GNG12: variants seen among roughly 807,000 people sequenced by gnomAD.
GNG12 encodes the protein guanine nucleotide-binding protein G(I)/G(S)/G(O) subunit gamma-12.
For missense variants in GNG12, 69 were observed against 83.8 expected, an observed-to-expected ratio of 0.82 and a Z score of 0.69; for synonymous variants, 28 against 29.7, an observed-to-expected ratio of 0.94 and a Z score of 0.19.
Position 67,833,379 on chromosome 1 carries a change from G to C in GNG12, c.-112C>G. 1 of 985,596 alleles carries C rather than the reference G, an allele frequency of 1.0e-6. No individual in the cohort carries two copies. The highest frequency in any genetic ancestry group is 1.2e-6 in the Non-Finnish European group (1 of 830,138). The allele number at this position is 985,596 out of a possible 1,614,324, so 61.1% of individuals were successfully genotyped here. A position where few individuals can be genotyped will look rare whatever the true frequency, so the allele number is the denominator to read the frequency against. ...GTGCGCTGCCCCGCCGTCGCCGCCG[G>C]GACTCGGTCTCTAAGGGCTCCTGGA... On this transcript the variant is annotated 5_prime_UTR_variant, in exon 1 of 4. Coordinates refer to ENST00000370982, the MANE Select transcript of GNG12 (RefSeq NM_018841.6).
At chr1:67,750,285 C>G (rs1178806922) in intron 2 of GNG12, among the ~76,000 whole-genome samples, 1 of 152,146 alleles carries the variant, frequency 6.6e-6, no homozygotes, top group Non-Finnish European at 1.5e-5. Flanking sequence ...GGATTACAAA[C>G]GAACAGGGAA....
chr1:67,707,554 C>T, intron 3 of GNG12, 40 bp downstream of exon 3: 2 of 1,043,606 alleles, frequency 1.9e-6, no homozygotes, highest in South Asian at 2.7e-5. Flanking sequence ...ACAGGGGGAA[C>T]TGAGCAGAAA....
intron 1 of GNG12, among the ~76,000 whole-genome samples, chr1:67,819,007 G>A (rs1646970481): frequency 6.6e-6 from 1 of 152,164 alleles, no homozygotes; most frequent in Non-Finnish European, 1.5e-5. Flanking sequence ...TATGAGTTCA[G>A]GAAGTGACCC....
intron 2 of GNG12, among the ~76,000 whole-genome samples, chr1:67,722,647 G>T (rs1378300407): frequency 6.6e-6 from 1 of 152,162 alleles, no homozygotes; most frequent in South Asian, 2.1e-4. Flanking sequence ...TTACTGAGGG[G>T]AGTGGTAGAC....
At chr1:67,797,132 A>ACAAACATC (rs1327994648) in intron 1 of GNG12, among the ~76,000 whole-genome samples, 6 of 152,162 alleles carry the variant, frequency 3.9e-5, no homozygotes, top group Non-Finnish European at 1.5e-5. Flanking sequence ...TTTGGAGGGG[A>ACAAACATC]CAAACATCCA....
At chr1:67,729,465 C>T (rs571616484) in intron 2 of GNG12, among the ~76,000 whole-genome samples, 1 of 152,288 alleles carries the variant, frequency 6.6e-6, no homozygotes, top group East Asian at 1.9e-4. Context: ...TCTGAGACCA[C>T]CACCTTTGCC....
At chr1:67,793,529 TTTG>T (rs1182476809) in intron 1 of GNG12, among the ~76,000 whole-genome samples, 1 of 152,096 alleles carries the variant, frequency 6.6e-6, no homozygotes, top group Non-Finnish European at 1.5e-5. Context: ...AGTCAAGCAC[TTTG>T]ATTTTTTTTT....
At chr1:67,831,272 C>T (rs1647042879) in intron 1 of GNG12, among the ~76,000 whole-genome samples, 1 of 152,228 alleles carries the variant, frequency 6.6e-6, no homozygotes, top group Admixed American at 6.5e-5. Context: ...ACCACTTCCT[C>T]AAGTTTTCTG....
intron 2 of GNG12, among the ~76,000 whole-genome samples, chr1:67,742,704 A>C (rs1023742166): frequency 5.9e-5 from 9 of 152,226 alleles, no homozygotes; most frequent in African/African-American, 1.9e-4. Flanking sequence ...ATTTCAGTGG[A>C]AGATCACTGG....
intron 2 of GNG12, among the ~76,000 whole-genome samples, chr1:67,733,782 C>T (rs1646435079): frequency 6.6e-6 from 1 of 152,150 alleles, no homozygotes; most frequent in African/African-American, 2.4e-5. Flanking sequence ...AGAGAAAAAC[C>T]CAACCAAATG....
chr1:67,798,870 C>T (rs1210402684), intron 1 of GNG12, among the ~76,000 whole-genome samples: 3 of 152,068 alleles, frequency 2.0e-5, no homozygotes, highest in Non-Finnish European at 1.5e-5. Flanking sequence ...AGAGGAATCG[C>T]TTGAACCCGG....
rs1238885010 is a variant in GNG12, at chr1:67,705,171, T to C, written c.*280A>G. 1 of 237,296 alleles carries C rather than the reference T, an allele frequency of 4.2e-6. No homozygotes were observed. Among genetic ancestry groups the C allele is most frequent in the Non-Finnish European group, 7.9e-6 (1 of 127,262 alleles). The allele number at this position is 237,296 out of a possible 1,614,324, so 14.7% of individuals were successfully genotyped here. A position where few individuals can be genotyped will look rare whatever the true frequency, so the allele number is the denominator to read the frequency against. ...TGTATTTCTAAAGTATATAATTATG[T>C]TTTTAAAAAGGCCCAGATCAACTTT... On this transcript the variant is annotated 3_prime_UTR_variant, in exon 4 of 4. Coordinates refer to ENST00000370982, the MANE Select transcript of GNG12 (RefSeq NM_018841.6).
At chr1:67,785,859 T>C (rs1487029037) in intron 1 of GNG12, among the ~76,000 whole-genome samples, 2 of 152,186 alleles carry the variant, frequency 1.3e-5, no homozygotes, top group Non-Finnish European at 2.9e-5. Flanking sequence ...TGTATAAATA[T>C]GTAACTATAT....
At chr1:67,795,117 G>A (rs543078381) in intron 1 of GNG12, among the ~76,000 whole-genome samples, 82 of 152,272 alleles carry the variant, frequency 5.4e-4, no homozygotes, top group African/African-American at 1.8e-3. Context: ...AAGGCCTTGC[G>A]CTTTTTACTA....
chr1:67,832,386 A>C (rs901682104), intron 1 of GNG12: 2 of 152,134 alleles, frequency 1.3e-5, no homozygotes, highest in African/African-American at 4.8e-5. Flanking sequence ...CCAGTTGGGC[A>C]AAGTTTCACT....
intron 1 of GNG12, among the ~76,000 whole-genome samples, chr1:67,819,028 A>G (rs1646970605): frequency 1.3e-5 from 2 of 152,150 alleles, no homozygotes; most frequent in African/African-American, 4.8e-5. Flanking sequence ...ACTGAAATTT[A>G]TGTTTTCAAG....
At chr1:67,760,800 G>A (rs1014748053) in intron 2 of GNG12, among the ~76,000 whole-genome samples, 3 of 152,204 alleles carry the variant, frequency 2.0e-5, no homozygotes, top group Admixed American at 1.3e-4. Flanking sequence ...AGGAGGACAC[G>A]TCTCGATCCT....
intron 1 of GNG12, among the ~76,000 whole-genome samples, chr1:67,823,687 G>A (rs1265121193): frequency 5.9e-5 from 9 of 152,208 alleles, no homozygotes; most frequent in Admixed American, 5.9e-4. Flanking sequence ...GCCATTGGCT[G>A]TACGGAACCG....
chr1:67,715,222 C>A (rs1646318912), intron 2 of GNG12, among the ~76,000 whole-genome samples: 1 of 152,106 alleles, frequency 6.6e-6, no homozygotes, highest in Non-Finnish European at 1.5e-5. Context: ...TGGCCTCGAC[C>A]ATCTACTAAT....
Sources: gnomAD v4.1 joint callset for allele counts (sites outside exome capture counted in the v4.1 genomes callset) on GRCh38, gnomAD v4.1.1 for gene constraint, MANE v1.5 for transcripts, NCBI Gene and HGNC (gene_info 2026-07-23, HGNC 2026-07-21) for gene names.